The following FSCN1 variants were observed in gnomAD, a reference collection of about 807,000 sequenced individuals.
FSCN1 encodes fascin.
Under a neutral mutation model 39.7 loss-of-function variants are expected in FSCN1, and 10 were observed. That is an observed-to-expected ratio of 0.25 (90% confidence interval 0.16 to 0.43). The LOEUF is 0.43. Among genes scored for constraint, FSCN1 ranks in the 20% least tolerant of loss-of-function variants. The probability of loss-of-function intolerance (pLI) is 1.00; values close to 1 mark genes in which losing one functional copy is unlikely to be tolerated. For missense variants in FSCN1, 525 were observed against 723.8 expected (o/e 0.73, Z 3.15); for synonymous variants, 322 against 320.0 (o/e 1.01, Z -0.07).
At chr7:5,594,082 C>T (rs2128548475) in intron 1 of FSCN1, 1 of 369,196 alleles carries the variant, frequency 2.7e-6, no homozygotes, top group South Asian at 5.0e-5. Flanking sequence ...TCCCCACGCG[C>T]GCTGATCCCT....
In FSCN1 at chr7:5,603,810, C is replaced by G; in HGVS notation, c.1112-53C>G. 1 of 1,575,318 alleles carries G rather than the reference C, an allele frequency of 6.3e-7. No individual in the cohort carries two copies. The highest frequency in any genetic ancestry group is 8.7e-7 in the Non-Finnish European group (1 of 1,152,234). ...GCCCTCCCTCTCTGGTCACCCCAGCCTCCACCCCACTCCCTGCCAGGAGGC... is the reference window on the plus strand; with the variant it reads ...GCCCTCCCTCTCTGGTCACCCCAGCGTCCACCCCACTCCCTGCCAGGAGGC... On this transcript the variant is annotated intron_variant, in intron 3 of 4. Coordinates refer to ENST00000382361, the MANE Select transcript of FSCN1 (RefSeq NM_003088.4). The surrounding 1 kb of genome is among the most constrained non-coding windows in gnomAD (Gnocchi z 8.5).
At chr7:5,600,100 G>A (rs1350026819) in intron 1 of FSCN1, among the ~76,000 whole-genome samples, 1 of 152,090 alleles carries the variant, frequency 6.6e-6, no homozygotes, top group Non-Finnish European at 1.5e-5. Context: ...GATATGCAAA[G>A]CAATGTAGTT....
intron 4 of FSCN1, 76 bp downstream of exon 4, chr7:5,604,106 C>T (rs942182717): frequency 7.2e-6 from 10 of 1,394,382 alleles, no homozygotes; most frequent in African/African-American, 1.4e-5. Flanking sequence ...GGGGAGCGCC[C>T]TCTGCATCCA....
intron 4 of FSCN1, 126 bp downstream of exon 4, chr7:5,604,156 A>G (rs1002882835): frequency 2.4e-6 from 2 of 833,364 alleles, no homozygotes; most frequent in Non-Finnish European, 1.8e-6. Context: ...TCCAGGCCCT[A>G]AAGGGACAGG....
In FSCN1 at chr7:5,603,500, G is replaced by A; in HGVS notation, c.994G>A (p.Ala332Thr). Residue 332 changes from alanine to threonine, a missense_variant, in exon 3 of 5, where the codon GCC (alanine) becomes ACC (threonine). Ala to Thr is a moderately conservative substitution (Grantham distance 58). Transcript: ENST00000382361. This position sits in a 1 kb window ranked among gnomAD's most constrained non-coding sequence, Gnocchi z 8.5. ...CCCTGTCCCGCCATCCCCCAGGAAT[G>A]CCAGCTGCTACTTTGACATCGAGTG... is the stretch of plus-strand genomic sequence containing the variant. Reference protein sequence around the residue: ...GVQSTASSKNASCYFDIEWRD... With the variant: ...GVQSTASSKNTSCYFDIEWRD... 6.2e-7 allele frequency: 1 copy of A among 1,614,182 alleles called. No homozygotes were observed. Among genetic ancestry groups the A allele is most frequent in the South Asian group, 1.1e-5 (1 of 91,092 alleles).
rs1337366619 is a variant in FSCN1 at position 5,599,446 on chromosome 7, C to G, written c.833-3811C>G. The stretch of plus-strand genomic sequence containing the variant: ...CATGCCACCACCGGCCTTAGTCTCC[C>G]TCTTTGTGAAGTAGGATGAAGATCC... On this transcript the variant is annotated intron_variant, in intron 1 of 4. Coordinates refer to ENST00000382361, the MANE Select transcript of FSCN1 (RefSeq NM_003088.4). The surrounding 1 kb of genome is among the most constrained non-coding windows in gnomAD (Gnocchi z 5.6). Among the ~76,000 whole-genome samples the G allele has an allele frequency of 3.3e-5, 5 of 152,192 alleles. No individual in the cohort carries two copies. The highest frequency in any genetic ancestry group is 1.2e-4 in the African/African-American group (5 of 41,446).
rs1201657462 is a variant in FSCN1 at position 5,592,941 on chromosome 7, C to T, written c.5C>T (p.Thr2Ile). The T allele has an allele frequency of 2.0e-6, 3 of 1,525,966 alleles. No individual in the cohort carries two copies. Among genetic ancestry groups the T allele is most frequent in the African/African-American group, 2.8e-5 (2 of 71,946 alleles). The allele number at this position is 1,525,966 out of a possible 1,614,324, so 94.5% of individuals were successfully genotyped here. A position where few individuals can be genotyped will look rare whatever the true frequency, so the allele number is the denominator to read the frequency against. The change falls in exon 1 of 5, where the codon ACC (threonine) becomes ATC (isoleucine). Residue 2 changes from threonine (T) to isoleucine (I), a missense_variant. Coordinates refer to ENST00000382361, the MANE Select transcript of FSCN1 (RefSeq NM_003088.4). The surrounding 1 kb of genome is among the most constrained non-coding windows in gnomAD (Gnocchi z 5.3). ...GGCCTCTCGTCTACTGCCACCATGA[C>T]CGCCAACGGCACAGCCGAGGCGGTG... M[T>I]ANGTAEAVQI...
chr7:5,594,071 C>T (rs1385226397), intron 1 of FSCN1: 2 of 370,434 alleles, frequency 5.4e-6, no homozygotes, highest in Non-Finnish European at 9.5e-6. Context: ...AATCTTGGCT[C>T]TCCCCACGCG....
chr7:5,597,524 G>A (rs1026783988), intron 1 of FSCN1, among the ~76,000 whole-genome samples: 9 of 151,628 alleles, frequency 5.9e-5, no homozygotes, highest in African/African-American at 1.7e-4. Context: ...AAAATTAGCC[G>A]GGCGTGGTGG....
At chr7:5,593,800 G>C (rs1472233389) in intron 1 of FSCN1, 32 bp downstream of exon 1, 9 of 1,406,950 alleles carry the variant, frequency 6.4e-6, no homozygotes, top group Middle Eastern at 1.8e-4. Flanking sequence ...GCCTCTCCTG[G>C]TCCGTGCACA....
At chr7:5,594,446 A>C (rs958792202) in intron 1 of FSCN1, 3 of 152,290 alleles carry the variant, frequency 2.0e-5, no homozygotes, top group Non-Finnish European at 4.4e-5. Flanking sequence ...CTTTGTGAGC[A>C]GGGGGGCGGG....
In FSCN1 at chr7:5,606,572, G is replaced by A. The variant is rs1034578718; in HGVS notation, c.*1098G>A. The A allele has an allele frequency of 3.9e-5, 6 of 152,190 alleles. No individual in the cohort carries two copies. The highest frequency in any genetic ancestry group is 1.4e-4 in the African/African-American group (6 of 41,432). The allele number at this position is 152,190 out of a possible 1,614,324, so 9.4% of individuals were successfully genotyped here. ...TGTCTTGGTCTTTTATTTTTTGTAA[G>A]TGTCATTTGTATAACTCTAAACGCC... On this transcript the variant is annotated 3_prime_UTR_variant, in exon 5 of 5. Transcript: ENST00000382361. The surrounding 1 kb of genome is among the most constrained non-coding windows in gnomAD (Gnocchi z 5.1).
At chr7:5,596,831 A>C (rs945892477) in intron 1 of FSCN1, among the ~76,000 whole-genome samples, 1 of 152,186 alleles carries the variant, frequency 6.6e-6, no homozygotes, top group African/African-American at 2.4e-5. Context: ...AAGGATGCAG[A>C]GGCATTTGAA....
chr7:5,593,047 C>T lies in FSCN1; in HGVS notation c.111C>T (p.Ala37=). The T allele has an allele frequency of 3.7e-6, 6 of 1,602,088 alleles. No homozygotes were observed. Among genetic ancestry groups the T allele is most frequent in the Non-Finnish European group, 5.1e-6 (6 of 1,175,180 alleles). The change falls in exon 1 of 5, where the codon GCC becomes GCT. Residue 37 remains alanine, a synonymous_variant. Transcript: ENST00000382361. ...EAFGFKVNAS[A]SSLKKKQIWT... The stretch of plus-strand genomic sequence containing the variant: ...TCGGGTTCAAGGTGAACGCGTCCGC[C>T]AGCAGCCTGAAGAAGAAGCAGATCT...
Position 5,606,290 on chromosome 7 carries a change from G to T in FSCN1, c.*816G>T, listed in dbSNP as rs1360032756. 1 of 152,072 alleles carries T rather than the reference G, an allele frequency of 6.6e-6. No homozygotes were observed. Among genetic ancestry groups the T allele is most frequent in the Non-Finnish European group, 1.5e-5 (1 of 67,986 alleles). 9.4% of individuals were successfully genotyped at this position (152,072 alleles called of 1,614,324 possible). A position where few individuals can be genotyped will look rare whatever the true frequency, so the allele number is the denominator to read the frequency against. ...CCCAGGCAAGCCTGGCTGTAGTAGC[G>T]AGTGATCTGGCGGGGGGCGTCTCAG... On this transcript the variant is annotated 3_prime_UTR_variant, in exon 5 of 5. Coordinates refer to ENST00000382361, the MANE Select transcript of FSCN1 (RefSeq NM_003088.4). The surrounding 1 kb of genome is among the most constrained non-coding windows in gnomAD (Gnocchi z 5.1).
chr7:5,603,009 C>G lies in FSCN1; in HGVS notation c.833-248C>G. Reference sequence around the variant, plus strand: ...ACAGGCATGAGCCCCTGTCCCTGGCCCCTATTATTTCTCTAACTGGGGAAA... The same window carrying G: ...ACAGGCATGAGCCCCTGTCCCTGGCGCCTATTATTTCTCTAACTGGGGAAA... On this transcript the variant is annotated intron_variant, in intron 1 of 4. Transcript: ENST00000382361. The surrounding 1 kb of genome is among the most constrained non-coding windows in gnomAD (Gnocchi z 8.5). 1 of 557,684 alleles carries G rather than the reference C, an allele frequency of 1.8e-6. No homozygotes were observed. The highest frequency in any genetic ancestry group is 3.2e-6 in the Non-Finnish European group (1 of 311,468). The allele number at this position is 557,684 out of a possible 1,614,324, so 34.5% of individuals were successfully genotyped here.
rs1441075969 is a variant in FSCN1, at chr7:5,603,785, G to T, written c.1112-78G>T. The T allele has an allele frequency of 2.6e-6, 4 of 1,517,200 alleles. No individual in the cohort carries two copies. The highest frequency in any genetic ancestry group is 3.6e-6 in the Non-Finnish European group (4 of 1,107,198). 94.0% of individuals were successfully genotyped at this position (1,517,200 alleles called of 1,614,324 possible). A position where few individuals can be genotyped will look rare whatever the true frequency, so the allele number is the denominator to read the frequency against. ...GACTGCTGTGTGACCCCAGCTCCTG[G>T]CCCTCCCTCTCTGGTCACCCCAGCC... On this transcript the variant is annotated intron_variant, in intron 3 of 4. Coordinates refer to ENST00000382361, the MANE Select transcript of FSCN1 (RefSeq NM_003088.4). The surrounding 1 kb of genome is among the most constrained non-coding windows in gnomAD (Gnocchi z 8.5).
At chr7:5,594,541 G>A (rs1177993228) in intron 1 of FSCN1, 1 of 152,346 alleles carries the variant, frequency 6.6e-6, no homozygotes, top group African/African-American at 2.4e-5. Context: ...GGCGGGGGAG[G>A]GGATCGGCTT....
chr7:5,603,324 C>T lies in FSCN1; in HGVS notation c.900C>T (p.Arg300=), dbSNP rs778257530. Residue 300 remains arginine (R), a synonymous_variant, in exon 2 of 5, where the codon CGC becomes CGT. Coordinates refer to ENST00000382361, the MANE Select transcript of FSCN1 (RefSeq NM_003088.4). This position sits in a 1 kb window ranked among gnomAD's most constrained non-coding sequence, Gnocchi z 8.5. ...DQETFQLEID[R]DTKKCAFRTH... ...AGACCTTCCAGCTGGAGATCGACCG[C>T]GACACCAAAAAGTGTGCCTTCCGTA... 13 of 1,613,394 alleles carry T rather than the reference C, an allele frequency of 8.1e-6. No individual in the cohort carries two copies. Among genetic ancestry groups the T allele is most frequent in the African/African-American group, 8.0e-5 (6 of 74,904 alleles).
Sources: allele counts gnomAD v4.1 joint callset (sites outside exome capture counted in the v4.1 genomes callset), GRCh38; gene constraint gnomAD v4.1.1; non-coding constraint Gnocchi (gnomAD v3.1); transcripts MANE v1.5; gene names NCBI Gene and HGNC (gene_info 2026-07-23, HGNC 2026-07-21).